Variants in HMGN5 observed in about 807,000 individuals in gnomAD.
HMGN5 encodes the protein high mobility group nucleosome-binding domain-containing protein 5.
HMGN5 carries 4 observed loss-of-function variants against 9.5 expected under a neutral mutation model. The observed-to-expected ratio is 0.42, with a 90% CI of 0.21 to 0.96. The LOEUF is 0.96. Ranked by LOEUF, HMGN5 falls within the 40% of genes least tolerant of loss-of-function variation. HMGN5 has a pLI of 0.30. For missense variants in HMGN5, 192 were observed against 187.5 expected (o/e 1.02, Z -0.14); for synonymous variants, 55 against 57.1 (o/e 0.96, Z 0.16).
At chrX:81,186,814 AT>A (rs1411529202) in intron 1 of HMGN5, among the ~76,000 whole-genome samples, 1 of 111,155 alleles carries the variant, frequency 9.0e-6, no homozygotes, top group African/African-American at 3.3e-5. Flanking sequence ...TATTTGAAGT[AT>A]TTTTTTATGT....
At chrX:81,145,201 T>C (rs947683726) in intron 1 of HMGN5, among the ~76,000 whole-genome samples, 1 of 111,529 alleles carries the variant, frequency 9.0e-6, no homozygotes, top group Admixed American at 9.5e-5. Flanking sequence ...AATCATCAGA[T>C]TCACCAAGGT....
intron 1 of HMGN5, among the ~76,000 whole-genome samples, chrX:81,151,141 GAA>G (rs1292596675): frequency 9.0e-6 from 1 of 111,607 alleles, no homozygotes; most frequent in African/African-American, 3.3e-5. Context: ...TCCCAAACCA[GAA>G]AAAGTCACAT....
intron 1 of HMGN5, among the ~76,000 whole-genome samples, chrX:81,187,340 T>C (rs1225175246): frequency 3.6e-5 from 4 of 111,773 alleles, no homozygotes; most frequent in Non-Finnish European, 7.5e-5. Context: ...CTGTCTCTCT[T>C]TAGCTCTAAT....
intron 1 of HMGN5, among the ~76,000 whole-genome samples, chrX:81,181,383 G>A (rs2075462457): frequency 9.0e-6 from 1 of 111,222 alleles, no homozygotes; most frequent in Admixed American, 9.6e-5. Context: ...ATACAGACAT[G>A]CAATGCATAA....
At position 81,140,329 on chromosome X, in the gene HMGN5, G is replaced by C. The variant is rs184786638; in HGVS notation, c.-123-18657C>G. ...TAATCCCAGCATTTTGGGAGGCCGA[G>C]GCGGGCGGATCACGAGGTCAGGAGA... On this transcript the variant is annotated intron_variant, in intron 1 of 6. Transcript: ENST00000358130. Among the ~76,000 whole-genome samples the C allele has an allele frequency of 3.9e-3, 427 of 110,830 alleles. 2 individuals carry two copies. The highest frequency in any genetic ancestry group is 6.6e-3 in the Non-Finnish European group (351 of 52,856).
chrX:81,152,969 G>A (rs1488670664), intron 1 of HMGN5, among the ~76,000 whole-genome samples: 1 of 82,955 alleles, frequency 1.2e-5, no homozygotes, highest in Admixed American at 1.6e-4. Context: ...CACAGGAAGG[G>A]TAACATCACA....
rs1032475470 is a variant in HMGN5 at position 81,158,439 on chromosome X, T to A, written c.-123-36767A>T. Among the ~76,000 whole-genome samples the A allele has an allele frequency of 2.7e-5, 3 of 112,674 alleles. No individual in the cohort carries two copies. The East Asian group carries it at 8.4e-4, about 31-fold the overall frequency. On this transcript the variant is annotated intron_variant, in intron 1 of 6. Coordinates refer to ENST00000358130, the MANE Select transcript of HMGN5 (RefSeq NM_030763.3). ...ATGATCAGTGATGTTGAGCTTTATT[T>A]CATATGTTTGTTGGCCACATGAATG... is the stretch of plus-strand genomic sequence containing the variant.
chrX:81,172,497 T>A (rs1248681614), intron 1 of HMGN5, among the ~76,000 whole-genome samples: 2 of 107,876 alleles, frequency 1.9e-5, no homozygotes, highest in African/African-American at 6.7e-5. Flanking sequence ...AAGGAAAGAA[T>A]ACATGTAAAG....
At chrX:81,191,987 ATAAG>A (rs753650336) in intron 1 of HMGN5, among the ~76,000 whole-genome samples, 225 of 111,296 alleles carry the variant, frequency 2.0e-3, no homozygotes, top group Middle Eastern at 9.2e-3. Context: ...TTTTTTCTAT[ATAAG>A]TAAAGTGTTG....
At chrX:81,152,327 C>T (rs561818453) in intron 1 of HMGN5, among the ~76,000 whole-genome samples, 54 of 111,420 alleles carry the variant, frequency 4.8e-4, no homozygotes, top group African/African-American at 1.7e-3. Flanking sequence ...ATCAAAAAGT[C>T]GGCAAAGGAT....
chrX:81,118,915 T>C, intron 3 of HMGN5, 156 bp from the exon 4 acceptor site: 1 of 417,615 alleles, frequency 2.4e-6, no homozygotes, highest in Non-Finnish European at 4.1e-6. Context: ...ATATAAGTTT[T>C]GATTTTTCCG....
intron 1 of HMGN5, among the ~76,000 whole-genome samples, chrX:81,175,701 C>T (rs747167143): frequency 9.0e-6 from 1 of 111,160 alleles, no homozygotes; most frequent in Non-Finnish European, 1.9e-5. Context: ...TGGCTCCACC[C>T]GCTATTGTAG....
At chrX:81,152,508 A>C (rs1486572239) in intron 1 of HMGN5, among the ~76,000 whole-genome samples, 1 of 109,967 alleles carries the variant, frequency 9.1e-6, no homozygotes, top group East Asian at 2.9e-4. Flanking sequence ...GGTGCTGGAG[A>C]GGATGTGGAG....
chrX:81,167,795 A>T (rs972822540), intron 1 of HMGN5, among the ~76,000 whole-genome samples: 2 of 112,282 alleles, frequency 1.8e-5, no homozygotes, highest in Non-Finnish European at 3.8e-5. Context: ...CTCAGAGGAT[A>T]TGAGCAGGTA....
rs137911163 is a variant in HMGN5 at position 81,121,381 on chromosome X, C to A, written c.15+154G>T. On this transcript the variant is annotated intron_variant, in intron 2 of 6. Transcript: ENST00000358130. ...ACCATCCTAAACCTTACACCGACTGCTCTTTGCCCTTCTACCCCTTTCCGT... is the reference window on the plus strand; with the variant it reads ...ACCATCCTAAACCTTACACCGACTGATCTTTGCCCTTCTACCCCTTTCCGT... Among the ~76,000 whole-genome samples, 137 of 111,763 alleles carry A rather than the reference C, an allele frequency of 1.2e-3. 4 individuals are homozygous for A. The East Asian group carries it at 0.032, about 26-fold the overall frequency.
chrX:81,140,653 A>G (rs1387698134), intron 1 of HMGN5, among the ~76,000 whole-genome samples: 2 of 110,314 alleles, frequency 1.8e-5, no homozygotes, highest in Non-Finnish European at 3.8e-5. Flanking sequence ...ACAACCAGTA[A>G]CGATTACCTG....
intron 1 of HMGN5, among the ~76,000 whole-genome samples, chrX:81,183,699 G>A (rs770074396): frequency 1.8e-5 from 2 of 112,954 alleles, no homozygotes; most frequent in Admixed American, 9.3e-5. Flanking sequence ...GGGGAAATGA[G>A]GGGTTGGAGC....
chrX:81,142,452 A>C (rs953989422), intron 1 of HMGN5, among the ~76,000 whole-genome samples: 1 of 112,002 alleles, frequency 8.9e-6, no homozygotes, highest in Non-Finnish European at 1.9e-5. Flanking sequence ...TGAAGAAAGA[A>C]TCCTAAAGGC....
chrX:81,151,148 TCA>T (rs1211802962), intron 1 of HMGN5, among the ~76,000 whole-genome samples: 1 of 111,835 alleles, frequency 8.9e-6, no homozygotes, highest in Non-Finnish European at 1.9e-5. Flanking sequence ...CCAGAAAAAG[TCA>T]CATCAAAAAA....
Sources: gnomAD v4.1 joint callset for allele counts (sites outside exome capture counted in the v4.1 genomes callset) on GRCh38, gnomAD v4.1.1 for gene constraint, MANE v1.5 for transcripts, NCBI Gene and HGNC (gene_info 2026-07-23, HGNC 2026-07-21) for gene names.